Variants in CDK2AP2 observed in about 807,000 individuals in gnomAD.
The protein encoded by CDK2AP2 is cyclin dependent kinase 2 associated protein 2.
CDK2AP2 carries 1 observed loss-of-function variant against 13.0 expected under a neutral mutation model. The observed-to-expected ratio is 0.08, with a 90% CI of 0.03 to 0.37. CDK2AP2 has a LOEUF of 0.37. Ranked by LOEUF, CDK2AP2 falls within the 10% of genes least tolerant of loss-of-function variation. The pLI is 0.99. For missense variants in CDK2AP2, 129 were observed against 175.8 expected (o/e 0.73, Z 1.50); for synonymous variants, 76 against 73.0 (o/e 1.04, Z -0.21).
Position 67,507,492 on chromosome 11 carries a change from C to T in CDK2AP2, c.186G>A (p.Met62Ile). 1 of 1,613,920 alleles carries T rather than the reference C, an allele frequency of 6.2e-7. No homozygotes were observed. ...GGGAGCCCTGGGCGCCGGGTGGCTT[C>T]ATCGCCTATGTCAAAAGAGAACAGG... is the stretch of plus-strand genomic sequence containing the variant. ...GPPSMGYVQA[M>I]KPPGAQGSQS... is the part of the protein sequence containing the mutation. The change falls in exon 3 of 4, where the codon ATG becomes ATA. Residue 62 changes from methionine to isoleucine, a missense_variant. Physicochemically the swap from Met to Ile is conservative, Grantham distance 10 (BLOSUM62 1). Transcript: ENST00000301488.
At chr11:67,507,549 G>A in intron 2 of CDK2AP2, 43 bp downstream of exon 2, 1 of 1,613,612 alleles carries the variant, frequency 6.2e-7, no homozygotes, top group East Asian at 2.2e-5. Context: ...CGGGGAGGGG[G>A]ACTCCAGTCC....
Position 67,507,644 on chromosome 11 carries a change from G to A in CDK2AP2, c.128C>T (p.Pro43Leu), listed in dbSNP as rs776509860. 4.4e-5 allele frequency: 70 copies of A among 1,607,500 alleles called. No homozygotes were observed. Among genetic ancestry groups the A allele is most frequent in the Non-Finnish European group, 5.3e-5 (62 of 1,175,230 alleles). ...AAAGTCGTTAAACAGCGGTCTGAAA[G>A]GAGCGCCGGCTCCTGGCACTGAGCC... ...PSGSVPGAGA[P>L]FRPLFNDFGP... The change falls in exon 2 of 4, where the codon CCT (proline) becomes CTT (leucine). Residue 43 changes from proline (P) to leucine (L), a missense_variant. This residue lies in a region of CDK2AP2 where 98 missense variants were observed against 99.7 expected (regional missense o/e 0.98). Transcript: ENST00000301488.
Position 67,507,656 on chromosome 11 carries a change from C to T in CDK2AP2, c.116G>A (p.Gly39Glu). ...CAGCGGTCTGAAAGGAGCGCCGGCT[C>T]CTGGCACTGAGCCCGACGGCGACGG... ...SVPSPSGSVP[G>E]AGAPFRPLFN... Residue 39 changes from glycine (G) to glutamate (E), a missense_variant, in exon 2 of 4, where the codon GGA becomes GAA. By Grantham distance (98) the Gly-to-Glu change is moderately conservative. Around this residue, in one of 2 missense-constraint regions of CDK2AP2, gnomAD observed 98 missense variants for 99.7 expected, o/e 0.98. Transcript: ENST00000301488. 1 of 1,613,296 alleles carries T rather than the reference C, an allele frequency of 6.2e-7. No homozygotes were observed. Among genetic ancestry groups the T allele is most frequent in the Non-Finnish European group, 8.5e-7 (1 of 1,180,032 alleles).
Position 67,508,139 on chromosome 11 carries a change from G to C in CDK2AP2, c.-57C>G, listed in dbSNP as rs909319613. 1.7e-5 allele frequency: 24 copies of C among 1,433,790 alleles called. No individual in the cohort carries two copies. Among genetic ancestry groups the C allele is most frequent in the African/African-American group, 7.2e-5 (5 of 68,972 alleles). The allele number at this position is 1,433,790 out of a possible 1,614,324, so 88.8% of individuals were successfully genotyped here. On this transcript the variant is annotated 5_prime_UTR_variant, in exon 1 of 4. Coordinates refer to ENST00000301488, the MANE Select transcript of CDK2AP2 (RefSeq NM_005851.5). Reference sequence around the variant, plus strand: ...GGCCGCTCCTCGGGGGTTGGCTGCGGGGCCGCTCAGCCGCGCTCTGATTGG... The same window carrying C: ...GGCCGCTCCTCGGGGGTTGGCTGCGCGGCCGCTCAGCCGCGCTCTGATTGG...
At chr11:67,507,826 T>A in intron 1 of CDK2AP2, 137 bp from the exon 2 acceptor site, 2 of 1,536,240 alleles carry the variant, frequency 1.3e-6, no homozygotes, top group Non-Finnish European at 1.7e-6. Flanking sequence ...CAGGGACAAA[T>A]CCCTCCCACT....
At position 67,506,690 on chromosome 11, in the gene CDK2AP2, A is replaced by G. The variant is rs1866531921; in HGVS notation, c.*255T>C. 1.7e-5 allele frequency: 9 copies of G among 541,818 alleles called. No individual in the cohort carries two copies. Among genetic ancestry groups the G allele is most frequent in the Non-Finnish European group, 3.0e-5 (9 of 304,958 alleles). 33.6% of individuals were successfully genotyped at this position (541,818 alleles called of 1,614,324 possible). A position where few individuals can be genotyped will look rare whatever the true frequency, so the allele number is the denominator to read the frequency against. ...GAAGGGCTGAGCGGTAGGGGCCACA[A>G]AAGTTCCGGTGGGCAACACTGTCGG... is the stretch of plus-strand genomic sequence containing the variant. On this transcript the variant is annotated 3_prime_UTR_variant, in exon 4 of 4. Transcript: ENST00000301488.
At position 67,506,542 on chromosome 11, in the gene CDK2AP2, T is replaced by A; in HGVS notation, c.*403A>T. 3.8e-6 allele frequency: 1 copy of A among 265,470 alleles called. No individual in the cohort carries two copies. Among genetic ancestry groups the A allele is most frequent in the East Asian group, 5.9e-5 (1 of 17,088 alleles). 16.4% of individuals were successfully genotyped at this position (265,470 alleles called of 1,614,324 possible). On this transcript the variant is annotated 3_prime_UTR_variant, in exon 4 of 4. Coordinates refer to ENST00000301488, the MANE Select transcript of CDK2AP2 (RefSeq NM_005851.5). ...ATCTTTTATTAATATAAAAAGGGCA[T>A]ATTTAGCAAAAGACACACAGATAAA...
At chr11:67,507,807 G>C in intron 1 of CDK2AP2, 118 bp from the exon 2 acceptor site, 1 of 1,539,112 alleles carries the variant, frequency 6.5e-7, no homozygotes, top group African/African-American at 1.4e-5. Flanking sequence ...ATTCCATGCT[G>C]ATCAACTTCA....
chr11:67,507,482 C>T lies in CDK2AP2; in HGVS notation c.196G>A (p.Gly66Ser). The T allele has an allele frequency of 1.2e-6, 2 of 1,613,832 alleles. No homozygotes were observed. The highest frequency in any genetic ancestry group is 1.1e-5 in the South Asian group (1 of 91,084). The change falls in exon 3 of 4, where the codon GGC becomes AGC. Residue 66 changes from glycine to serine, a missense_variant. By Grantham distance (56) the Gly-to-Ser change is moderately conservative. Coordinates refer to ENST00000301488, the MANE Select transcript of CDK2AP2 (RefSeq NM_005851.5). Reference sequence around the variant, plus strand: ...TAGGTGCTCTGGGAGCCCTGGGCGCCGGGTGGCTTCATCGCCTATGTCAAA... The same window carrying T: ...TAGGTGCTCTGGGAGCCCTGGGCGCTGGGTGGCTTCATCGCCTATGTCAAA... ...MGYVQAMKPP[G>S]AQGSQSTYTD... is the part of the protein sequence containing the mutation.
rs1167361617 is a variant in CDK2AP2 at position 67,506,993 on chromosome 11, G to C, written c.333C>G (p.Ala111=). ...RLKRGIIHAR[A]LVRECLAETE... ...TCTCTGCCAGGCACTCTCTGACTAGGGCCCGGGCATGGATGATACCTGGGG... is the reference window on the plus strand; with the variant it reads ...TCTCTGCCAGGCACTCTCTGACTAGCGCCCGGGCATGGATGATACCTGGGG... Residue 111 remains alanine (A), a synonymous_variant, in exon 4 of 4, where the codon GCC becomes GCG. Transcript: ENST00000301488. The C allele has an allele frequency of 1.3e-6, 2 of 1,555,914 alleles. No homozygotes were observed. The highest frequency in any genetic ancestry group is 8.7e-7 in the Non-Finnish European group (1 of 1,149,752).
chr11:67,507,768 T>G, intron 1 of CDK2AP2, 79 bp from the exon 2 acceptor site: 1 of 1,568,394 alleles, frequency 6.4e-7, no homozygotes, highest in Non-Finnish European at 8.6e-7. Context: ...CAGGACCGGG[T>G]TCGCCCGATT....
intron 3 of CDK2AP2, 77 bp from the exon 4 acceptor site, chr11:67,507,089 A>T: frequency 1.9e-6 from 2 of 1,077,290 alleles, no homozygotes; most frequent in South Asian, 1.6e-5. Context: ...CTGCCTCCCC[A>T]CTCCCTTTCC....
At chr11:67,507,342 C>T (rs1565200823) in intron 3 of CDK2AP2, 23 bp downstream of exon 3, 7 of 1,611,738 alleles carry the variant, frequency 4.3e-6, no homozygotes, top group Non-Finnish European at 5.1e-6. Context: ...GTTTCCTGAG[C>T]AGGGCGGCCT....
At chr11:67,507,782 TC>T (rs1405436016) in intron 1 of CDK2AP2, 93 bp from the exon 2 acceptor site, 1 of 1,554,518 alleles carries the variant, frequency 6.4e-7, no homozygotes. Flanking sequence ...CCCGATTCCC[TC>T]CAAAGGATGC....
At chr11:67,507,903 A>G (rs1373040668) in intron 1 of CDK2AP2, 98 bp downstream of exon 1, 4 of 1,545,576 alleles carry the variant, frequency 2.6e-6, no homozygotes, top group Non-Finnish European at 3.5e-6. Flanking sequence ...AGGCTCAGCG[A>G]GGGTAGGCGG....
In CDK2AP2 at chr11:67,506,724, G is replaced by C. The variant is rs940460796; in HGVS notation, c.*221C>G. 2 of 570,846 alleles carry C rather than the reference G, an allele frequency of 3.5e-6. No homozygotes were observed. The highest frequency in any genetic ancestry group is 3.8e-5 in the African/African-American group (2 of 52,422). 35.4% of individuals were successfully genotyped at this position (570,846 alleles called of 1,614,324 possible). ...GTGGGCAACACTGTCGGCAGGTCAT[G>C]GGTGGGACTCATGGGGACCTCGCTG... On this transcript the variant is annotated 3_prime_UTR_variant, in exon 4 of 4. Coordinates refer to ENST00000301488, the MANE Select transcript of CDK2AP2 (RefSeq NM_005851.5).
In CDK2AP2 at chr11:67,508,083, C is replaced by G; in HGVS notation, c.-1G>C. 6.8e-7 allele frequency: 1 copy of G among 1,474,830 alleles called. No individual in the cohort carries two copies. Among genetic ancestry groups the G allele is most frequent in the Non-Finnish European group, 9.0e-7 (1 of 1,112,908 alleles). 91.4% of individuals were successfully genotyped at this position (1,474,830 alleles called of 1,614,324 possible). ...CAGGGGCGATGGGTTTGTAGGACAT[C>G]CCCAACTCCTGGGCGCGGCGGACGC... is the stretch of plus-strand genomic sequence containing the variant. On this transcript the variant is annotated 5_prime_UTR_variant, in exon 1 of 4. Transcript: ENST00000301488.
At chr11:67,507,953 A>G (rs2134351617) in intron 1 of CDK2AP2, 48 bp downstream of exon 1, 1 of 1,549,486 alleles carries the variant, frequency 6.5e-7, no homozygotes, top group East Asian at 2.4e-5. Flanking sequence ...CTTCTCTTCG[A>G]GACCTCGACC....
intron 1 of CDK2AP2, 44 bp from the exon 2 acceptor site, chr11:67,507,733 C>T: frequency 6.2e-7 from 1 of 1,602,670 alleles, no homozygotes; most frequent in Non-Finnish European, 8.5e-7. Context: ...GGGGCAGGGA[C>T]GCCGCCTCCC....
Sources: allele counts gnomAD v4.1 joint callset, GRCh38; gene constraint gnomAD v4.1.1; regional missense constraint gnomAD v4.1.1; transcripts MANE v1.5; gene names NCBI Gene and HGNC (gene_info 2026-07-23, HGNC 2026-07-21).